The following TNR variants were observed in gnomAD, a reference collection of about 807,000 sequenced individuals.
TNR encodes tenascin-R.
Under a neutral mutation model 150.4 loss-of-function variants are expected in TNR, and 45 were observed. The observed-to-expected ratio is 0.30, with a 90% CI of 0.24 to 0.38. TNR has a LOEUF of 0.38. Ranked by LOEUF, TNR falls within the 10% of genes least tolerant of loss-of-function variation. TNR has a pLI of 1.00. For synonymous variants in TNR, 687 were observed against 678.4 expected (o/e 1.01, Z -0.20); for missense variants, 1,544 against 1,759.1 (o/e 0.88, Z 2.19).
At chr1:175,621,115 G>A (rs1663961534) in intron 1 of TNR, among the ~76,000 whole-genome samples, 1 of 152,184 alleles carries the variant, frequency 6.6e-6, no homozygotes, top group African/African-American at 2.4e-5. Flanking sequence ...CAGGAGGGTG[G>A]AGACCTCTTC....
intron 1 of TNR, among the ~76,000 whole-genome samples, chr1:175,634,059 T>C (rs1392609422): frequency 6.6e-6 from 1 of 152,134 alleles, no homozygotes; most frequent in East Asian, 1.9e-4. Flanking sequence ...CACTGTCAGA[T>C]GAAATAAGCT....
At chr1:175,410,501 C>T (rs1387013980) in intron 2 of TNR, among the ~76,000 whole-genome samples, 1 of 152,170 alleles carries the variant, frequency 6.6e-6, no homozygotes, top group East Asian at 1.9e-4. Flanking sequence ...ATGCTAGCAA[C>T]TCTGCCGGGG....
Position 175,365,917 on chromosome 1 carries a change from C to G in TNR, c.2275G>C (p.Gly759Arg), listed in dbSNP as rs1420777291. Residue 759 changes from glycine (G) to arginine (R), a missense_variant, in exon 11 of 23, where the codon GGT (glycine) becomes CGT (arginine). Gly to Arg is a moderately radical substitution (Grantham distance 125, BLOSUM62 -2). Around this residue, in one of 2 missense-constraint regions of TNR, gnomAD observed 1,254 missense variants for 1,329.4 expected, o/e 0.94. Transcript: ENST00000367674. ...GTGGACTCCAAGCTCTGCTGCCGAC[C>G]CCTCTCAGCAGTGACGGAAATGATG... ...EYIISVTAER[G>R]RQQSLESTVD... 1 of 1,613,512 alleles carries G rather than the reference C, an allele frequency of 6.2e-7. No homozygotes were observed. Among genetic ancestry groups the G allele is most frequent in the African/African-American group, 1.3e-5 (1 of 74,894 alleles).
At chr1:175,729,272 G>C (rs12049013) in intron 1 of TNR, among the ~76,000 whole-genome samples, 7,695 of 152,202 alleles carry the variant, frequency 0.051, 302 homozygotes, top group East Asian at 0.23. Context: ...GCATTTTCCT[G>C]GAGTGGAGCC....
chr1:175,632,606 A>C (rs1044745232), intron 1 of TNR, among the ~76,000 whole-genome samples: 26 of 152,242 alleles, frequency 1.7e-4, no homozygotes, highest in Admixed American at 3.9e-4. Context: ...AAAGTATCTA[A>C]TAATTTACAA....
intron 1 of TNR, among the ~76,000 whole-genome samples, chr1:175,611,317 C>T (rs1416290336): frequency 6.6e-6 from 1 of 151,952 alleles, no homozygotes; most frequent in African/African-American, 2.4e-5. Flanking sequence ...CTATCCTGGT[C>T]TCCATTTCCT....
intron 14 of TNR, among the ~76,000 whole-genome samples, chr1:175,360,795 GATCT>G (rs1651554832): frequency 1.3e-5 from 2 of 152,162 alleles, no homozygotes; most frequent in Admixed American, 1.3e-4. Flanking sequence ...CACTTGGCTT[GATCT>G]ATCTGAGACA....
At chr1:175,730,104 C>G (rs1667596163) in intron 1 of TNR, among the ~76,000 whole-genome samples, 1 of 152,122 alleles carries the variant, frequency 6.6e-6, no homozygotes, top group Non-Finnish European at 1.5e-5. Flanking sequence ...AGTATCATCT[C>G]TCACCATTCT....
chr1:175,629,010 C>T (rs1008563706), intron 1 of TNR, among the ~76,000 whole-genome samples: 1 of 152,142 alleles, frequency 6.6e-6, no homozygotes, highest in South Asian at 2.1e-4. Flanking sequence ...AGTGTAATAG[C>T]CCCATTGGAG....
At chr1:175,433,121 A>G (rs1019965415) in intron 2 of TNR, among the ~76,000 whole-genome samples, 1 of 152,308 alleles carries the variant, frequency 6.6e-6, no homozygotes, top group Admixed American at 6.5e-5. Flanking sequence ...AGAGAAGTAG[A>G]GAGAAGACAG....
At chr1:175,549,223 A>G (rs1660838140) in intron 1 of TNR, among the ~76,000 whole-genome samples, 1 of 152,200 alleles carries the variant, frequency 6.6e-6, no homozygotes, top group South Asian at 2.1e-4. Flanking sequence ...GAGAGAAGGA[A>G]ATCTTGTTTT....
chr1:175,421,584 T>C (rs1654757253), intron 2 of TNR, among the ~76,000 whole-genome samples: 1 of 152,212 alleles, frequency 6.6e-6, no homozygotes, highest in Non-Finnish European at 1.5e-5. Flanking sequence ...TATTATACCT[T>C]CATTAGTCTA....
intron 1 of TNR, among the ~76,000 whole-genome samples, chr1:175,629,629 G>C (rs1664262954): frequency 1.3e-5 from 2 of 152,180 alleles, no homozygotes; most frequent in Non-Finnish European, 2.9e-5. Flanking sequence ...GCTGCAAGGG[G>C]TTGCAGGAAC....
At chr1:175,435,056 G>A (rs1013003041) in intron 2 of TNR, among the ~76,000 whole-genome samples, 3 of 152,188 alleles carry the variant, frequency 2.0e-5, no homozygotes, top group African/African-American at 7.2e-5. Context: ...TTAAGGACAA[G>A]GACTTAATTG....
intron 1 of TNR, among the ~76,000 whole-genome samples, chr1:175,566,665 G>A (rs1367872742): frequency 6.6e-6 from 1 of 152,222 alleles, no homozygotes; most frequent in Non-Finnish European, 1.5e-5. Flanking sequence ...ACCACGGAGT[G>A]TTTGAGTGAC....
chr1:175,608,395 C>T (rs1663482072), intron 1 of TNR, among the ~76,000 whole-genome samples: 1 of 151,996 alleles, frequency 6.6e-6, no homozygotes, highest in Non-Finnish European at 1.5e-5. Flanking sequence ...AAATTATGGA[C>T]AGATTAAAGA....
intron 1 of TNR, among the ~76,000 whole-genome samples, chr1:175,647,330 A>G (rs1317436655): frequency 1.3e-5 from 2 of 152,152 alleles, no homozygotes; most frequent in Admixed American, 1.3e-4. Context: ...AACAGATTTA[A>G]AATTTAGGAA....
chr1:175,712,439 A>G (rs1667043480), intron 1 of TNR, among the ~76,000 whole-genome samples: 1 of 152,156 alleles, frequency 6.6e-6, no homozygotes, highest in South Asian at 2.1e-4. Flanking sequence ...GTGACATAAG[A>G]CGAACTCAGG....
Position 175,403,564 on chromosome 1 carries a change from C to T in TNR, c.552G>A (p.Glu184=). The T allele has an allele frequency of 6.2e-7, 1 of 1,614,164 alleles. No individual in the cohort carries two copies. Among genetic ancestry groups the T allele is most frequent in the Non-Finnish European group, 8.5e-7 (1 of 1,180,030 alleles). ...HCSGHGNFSF[E]SCGCICNEGW... ...CTTCGTTGCAGATGCAGCCACAGGA[C>T]TCAAAGCTAAAGTTGCCGTGGCCAC... Residue 184 remains glutamate (E), a synonymous_variant, in exon 4 of 23, where the codon GAG becomes GAA. Transcript: ENST00000367674.
Sources: allele counts gnomAD v4.1 joint callset (sites outside exome capture counted in the v4.1 genomes callset), GRCh38; gene constraint gnomAD v4.1.1; regional missense constraint gnomAD v4.1.1; transcripts MANE v1.5; gene names NCBI Gene and HGNC (gene_info 2026-07-23, HGNC 2026-07-21).